Variants in PTPN13 observed in about 807,000 individuals in gnomAD.
PTPN13 encodes the protein tyrosine-protein phosphatase non-receptor type 13.
In PTPN13, 191 loss-of-function variants were observed where a neutral mutation model predicts 284.0. That is an observed-to-expected ratio of 0.67 (90% confidence interval 0.60 to 0.76). The LOEUF is 0.76. Ranked by LOEUF, PTPN13 falls within the 30% of genes least tolerant of loss-of-function variation. PTPN13 has a pLI of 0.00. For synonymous variants in PTPN13, 986 were observed against 1,022.3 expected, an observed-to-expected ratio of 0.96 and a Z score of 0.68; for missense variants, 2,797 against 2,939.9, an observed-to-expected ratio of 0.95 and a Z score of 1.12.
chr4:86,701,463 C>T lies in PTPN13; in HGVS notation c.857C>T (p.Pro286Leu), dbSNP rs572543375. Reference sequence around the variant, plus strand: ...AAAACTAGTGGCCCAGAAAAAAAACCCATCCCTGGCATTGATGTGCTTTCT... The same window carrying T: ...AAAACTAGTGGCCCAGAAAAAAAACTCATCCCTGGCATTGATGTGCTTTCT... The part of the protein sequence containing the change: ...QFKTSGPEKK[P>L]IPGIDVLSKK... The change falls in exon 7 of 48, where the codon CCC becomes CTC. Residue 286 changes from proline (P) to leucine (L), a missense_variant. Transcript: ENST00000411767. 8.6e-5 allele frequency: 139 copies of T among 1,613,756 alleles called. No individual in the cohort carries two copies. Among genetic ancestry groups the T allele is most frequent in the Non-Finnish European group, 1.1e-4 (134 of 1,179,772 alleles).
chr4:86,673,527 A>G (rs1036443103), intron 3 of PTPN13, among the ~76,000 whole-genome samples: 1 of 152,216 alleles, frequency 6.6e-6, no homozygotes, highest in Admixed American at 6.5e-5. Flanking sequence ...GAAAGGCTCC[A>G]GGTCAGAAGG....
chr4:86,689,267 C>CTA (rs1469966015), intron 5 of PTPN13, 77 bp downstream of exon 5: 1 of 1,178,942 alleles, frequency 8.5e-7, no homozygotes, highest in Admixed American at 2.2e-5. Context: ...TTTAAGGATA[C>CTA]TATATAGGTA....
chr4:86,723,975 T>G (rs1733954521), intron 10 of PTPN13, among the ~76,000 whole-genome samples: 1 of 152,184 alleles, frequency 6.6e-6, no homozygotes, highest in Non-Finnish European at 1.5e-5. Context: ...AATTCAAATT[T>G]CCTTCACAGT....
intron 40 of PTPN13, among the ~76,000 whole-genome samples, chr4:86,794,669 A>C (rs1578692728): frequency 6.6e-6 from 1 of 152,210 alleles, no homozygotes; most frequent in Non-Finnish European, 1.5e-5. Flanking sequence ...TACAGTAACC[A>C]AAACAGCATG....
At chr4:86,806,071 C>T (rs777043735) in intron 44 of PTPN13, among the ~76,000 whole-genome samples, 1 of 151,438 alleles carries the variant, frequency 6.6e-6, no homozygotes, top group Admixed American at 6.6e-5. Context: ...GCAGGAGGAT[C>T]GCTTGAACCC....
At chr4:86,718,804 A>G (rs1733319988) in intron 9 of PTPN13, among the ~76,000 whole-genome samples, 1 of 152,146 alleles carries the variant, frequency 6.6e-6, no homozygotes, top group Non-Finnish European at 1.5e-5. Flanking sequence ...ACTTTTTAAA[A>G]TAGTCTATAA....
At chr4:86,650,647 A>G (rs964522866) in intron 2 of PTPN13, among the ~76,000 whole-genome samples, 1 of 152,124 alleles carries the variant, frequency 6.6e-6, no homozygotes, top group Non-Finnish European at 1.5e-5. Flanking sequence ...TCTTTGGTTA[A>G]GTTTATTCCT....
chr4:86,768,097 A>T lies in PTPN13; in HGVS notation c.4489+121A>T, dbSNP rs1428752917. ...TTTGTTCATTATTCTTGTCAAGTAC[A>T]AATAATAATCTGACATCACACCATA... On this transcript the variant is annotated intron_variant, in intron 28 of 47. Transcript: ENST00000411767. The T allele has an allele frequency of 1.6e-5, 14 of 881,650 alleles. No individual in the cohort carries two copies. The South Asian group carries it at 2.4e-4, about 15-fold the overall frequency. 54.6% of individuals were successfully genotyped at this position (881,650 alleles called of 1,614,324 possible). A position where few individuals can be genotyped will look rare whatever the true frequency, so the allele number is the denominator to read the frequency against.
intron 1 of PTPN13, among the ~76,000 whole-genome samples, chr4:86,607,227 C>T (rs1429617514): frequency 6.6e-6 from 1 of 151,726 alleles, no homozygotes; most frequent in African/African-American, 2.4e-5. Context: ...TATCCATCTA[C>T]ATTTTACAAC....
intron 2 of PTPN13, among the ~76,000 whole-genome samples, chr4:86,643,326 A>C (rs1724034602): frequency 6.6e-6 from 1 of 152,216 alleles, no homozygotes; most frequent in Non-Finnish European, 1.5e-5. Context: ...TGTTTCTTAT[A>C]TTCTTTGAAA....
chr4:86,761,658 T>C (rs917961189), intron 23 of PTPN13, among the ~76,000 whole-genome samples: 1 of 152,216 alleles, frequency 6.6e-6, no homozygotes, highest in Non-Finnish European at 1.5e-5. Context: ...CCCTGAGCAA[T>C]AGTGAGAATG....
chr4:86,650,358 T>A (rs1311709318), intron 2 of PTPN13, among the ~76,000 whole-genome samples: 1 of 149,142 alleles, frequency 6.7e-6, no homozygotes, highest in Non-Finnish European at 1.5e-5. Flanking sequence ...GTCACCCAGG[T>A]TGGAGTGCAG....
rs1736580926 is a variant in PTPN13, at chr4:86,745,037, A to G, written c.2559A>G (p.Ile853Met). 1 of 1,608,740 alleles carries G rather than the reference A, an allele frequency of 6.2e-7. No individual in the cohort carries two copies. Among genetic ancestry groups the G allele is most frequent in the African/African-American group, 1.3e-5 (1 of 74,866 alleles). ...GCTTCCAGACAGACAACAGTAAGAT[A>G]TGCCAGTACCTGCTGCACCTCTGCT... ...KHGFQTDNSKICQYLLHLCSY... is the reference protein window; with the variant it reads ...KHGFQTDNSKMCQYLLHLCSY... The change falls in exon 17 of 48, where the codon ATA (isoleucine) becomes ATG (methionine). Residue 853 changes from isoleucine (I) to methionine (M), a missense_variant. Physicochemically the swap from Ile to Met is conservative, Grantham distance 10 (BLOSUM62 1). Coordinates refer to ENST00000411767, the MANE Select transcript of PTPN13 (RefSeq NM_080683.3).
At chr4:86,802,463 G>C (rs548541969) in intron 42 of PTPN13, among the ~76,000 whole-genome samples, 50 of 152,144 alleles carry the variant, frequency 3.3e-4, no homozygotes, top group African/African-American at 1.2e-3. Context: ...TTTAAACAGT[G>C]CCATATGAGT....
In PTPN13 at chr4:86,758,991, C is replaced by T; in HGVS notation, c.3471C>T (p.His1157=). ...GTGTGAGTCTGGAGGGAGTCAGCCA[C>T]CATGCTGCAATTGAAATTTTGCAAA... is the stretch of plus-strand genomic sequence containing the variant. ...VNSVSLEGVS[H]HAAIEILQNA... is the part of the protein sequence containing the mutation. The change falls in exon 23 of 48, where the codon CAC becomes CAT. Residue 1157 remains histidine, a synonymous_variant. Transcript: ENST00000411767. 1 of 1,613,692 alleles carries T rather than the reference C, an allele frequency of 6.2e-7. No individual in the cohort carries two copies. The highest frequency in any genetic ancestry group is 8.5e-7 in the Non-Finnish European group (1 of 1,179,716).
At position 86,672,521 on chromosome 4, in the gene PTPN13, C is replaced by G. The variant is rs748633692; in HGVS notation, c.272C>G (p.Thr91Ser). The change falls in exon 3 of 48, where the codon ACT becomes AGT. Residue 91 changes from threonine to serine, a missense_variant. Physicochemically the swap from Thr to Ser is moderately conservative, Grantham distance 58. Transcript: ENST00000411767. ...APEVLQNQSL[T>S]SLSDVEKIHI... is the part of the protein sequence containing the mutation. ...GAGGTTCTTCAAAATCAGTCACTAA[C>G]TTCTCTCTCAGATGTTGAAAAGGTA... 1.2e-5 allele frequency: 20 copies of G among 1,605,988 alleles called. No homozygotes were observed. In the African/African-American group the frequency reaches 2.7e-4, roughly 21 times the overall value.
chr4:86,693,626 C>G lies in PTPN13; in HGVS notation c.586C>G (p.Arg196Gly). Reference protein sequence around the residue: ...LSCNSEQKPDRSQAIRDRLRG... With the variant: ...LSCNSEQKPDGSQAIRDRLRG... ...CTGTAACAGTGAACAAAAGCCTGAT[C>G]GAAGCCAGGCTATTCGAGATCGATT... Residue 196 changes from arginine to glycine, a missense_variant, in exon 6 of 48, where the codon CGA becomes GGA. Arg to Gly is a moderately radical substitution (Grantham distance 125). Transcript: ENST00000411767. 6.4e-7 allele frequency: 1 copy of G among 1,556,106 alleles called. No individual in the cohort carries two copies. Among genetic ancestry groups the G allele is most frequent in the Non-Finnish European group, 8.7e-7 (1 of 1,147,200 alleles).
Position 86,762,726 on chromosome 4 carries a change from G to T in PTPN13, c.3554-1G>T. On this transcript the variant is annotated splice_acceptor_variant, in intron 23 of 47. Transcript: ENST00000411767. LOFTEE classifies it high-confidence loss of function. ...TCTCATTGATGGATTTTGACTTTTA[G>T]TGCCTTCTACTCCTGTGCATCTCAC... The T allele has an allele frequency of 1.3e-6, 2 of 1,584,334 alleles. No individual in the cohort carries two copies. Among genetic ancestry groups the T allele is most frequent in the Non-Finnish European group, 1.7e-6 (2 of 1,156,696 alleles).
At chr4:86,675,304 C>G (rs1728156180) in intron 3 of PTPN13, among the ~76,000 whole-genome samples, 1 of 152,110 alleles carries the variant, frequency 6.6e-6, no homozygotes, top group Admixed American at 6.6e-5. Flanking sequence ...TTAAGTGTAA[C>G]TCTAAATACA....
Sources: allele counts gnomAD v4.1 joint callset (sites outside exome capture counted in the v4.1 genomes callset), GRCh38; gene constraint gnomAD v4.1.1; transcripts MANE v1.5; gene names NCBI Gene and HGNC (gene_info 2026-07-23, HGNC 2026-07-21).